TSEN15: variants seen among roughly 807,000 people sequenced by gnomAD.
TSEN15 encodes the protein tRNA-splicing endonuclease subunit Sen15.
In TSEN15, 10 loss-of-function variants were observed where a neutral mutation model predicts 20.5. The ratio of observed to expected loss-of-function variants is 0.49; its 90% confidence interval spans 0.30 to 0.83. The LOEUF (loss-of-function observed/expected upper bound fraction) is 0.83. TSEN15 is among the 40% of genes least tolerant of loss of function. The pLI is 0.06. For synonymous variants in TSEN15, 72 were observed against 80.1 expected (o/e 0.90, Z 0.54); for missense variants, 180 against 218.6 (o/e 0.82, Z 1.11).
chr1:184,077,270 A>G (rs577252610), downstream of TSEN15, among the ~76,000 whole-genome samples: 13 of 152,264 alleles, frequency 8.5e-5, no homozygotes, highest in South Asian at 2.1e-3. Context: ...CTTATACTCT[A>G]TAAGTGGAAC....
intron 1 of TSEN15, 96 bp from the exon 2 acceptor site, chr1:184,054,258 T>C: frequency 1.4e-6 from 1 of 735,370 alleles, no homozygotes; most frequent in East Asian, 2.8e-5. Context: ...TAGAAGAATT[T>C]TATAGATTAT....
intron 3 of TSEN15, among the ~76,000 whole-genome samples, chr1:184,092,215 C>T (rs79307451): frequency 3.9e-4 from 60 of 152,304 alleles, no homozygotes; most frequent in African/African-American, 1.4e-3. Context: ...ACAGTCTAGA[C>T]AGAGTCCAGA....
At chr1:184,058,811 G>T (rs74131421) in intron 3 of TSEN15, among the ~76,000 whole-genome samples, 270 of 152,208 alleles carry the variant, frequency 1.8e-3, no homozygotes, top group African/African-American at 5.9e-3. Context: ...TACTTATTCA[G>T]TGATAAAACA....
chr1:184,086,696 C>A (rs114860361), intron 3 of TSEN15, among the ~76,000 whole-genome samples: 19 of 152,268 alleles, frequency 1.2e-4, no homozygotes, highest in Non-Finnish European at 2.2e-4. Context: ...CATGATACTA[C>A]AGCTGGCTTC....
At chr1:184,087,573 G>A (rs1365449351) in intron 3 of TSEN15, among the ~76,000 whole-genome samples, 6 of 152,200 alleles carry the variant, frequency 3.9e-5, no homozygotes, top group Non-Finnish European at 1.5e-5. Flanking sequence ...AGAACGTGGA[G>A]GGTTGGAGCA....
downstream of TSEN15, among the ~76,000 whole-genome samples, chr1:184,074,468 C>T (rs1651017619): frequency 6.6e-6 from 1 of 152,144 alleles, no homozygotes; most frequent in Non-Finnish European, 1.5e-5. Flanking sequence ...TGAGAGTGCT[C>T]AATGCTTATA....
chr1:184,071,999 C>T, intron 3 of TSEN15, 158 bp from the exon 4 acceptor site: 1 of 606,668 alleles, frequency 1.6e-6, no homozygotes, highest in Non-Finnish European at 2.7e-6. Context: ...GATACTATAC[C>T]AGAAGACTCT....
At chr1:184,083,751 A>G (rs1398066410) in intron 3 of TSEN15, among the ~76,000 whole-genome samples, 1 of 152,190 alleles carries the variant, frequency 6.6e-6, no homozygotes, top group African/African-American at 2.4e-5. Flanking sequence ...AAATGAATAG[A>G]ATTCATCCAC....
At chr1:184,091,780 C>T (rs1651361929) in intron 3 of TSEN15, among the ~76,000 whole-genome samples, 1 of 152,178 alleles carries the variant, frequency 6.6e-6, no homozygotes, top group Admixed American at 6.5e-5. Context: ...AGCTACCTGT[C>T]ACCCAGGAAC....
At chr1:184,082,446 T>C (rs1188619726) in intron 3 of TSEN15, among the ~76,000 whole-genome samples, 2 of 152,114 alleles carry the variant, frequency 1.3e-5, no homozygotes, top group East Asian at 3.9e-4. Context: ...TGAAGAAAGA[T>C]CCTAAGAGTC....
chr1:184,087,597 A>G (rs1195433129), intron 3 of TSEN15, among the ~76,000 whole-genome samples: 1 of 152,230 alleles, frequency 6.6e-6, no homozygotes, highest in Non-Finnish European at 1.5e-5. Flanking sequence ...AAGCCCAGAC[A>G]TAAGCACATA....
At chr1:184,064,542 T>C (rs186964545) in intron 3 of TSEN15, among the ~76,000 whole-genome samples, 1 of 151,284 alleles carries the variant, frequency 6.6e-6, no homozygotes, top group Admixed American at 6.6e-5. Flanking sequence ...AGAAAAAATA[T>C]GAAAAAACAA....
intron 3 of TSEN15, among the ~76,000 whole-genome samples, chr1:184,090,837 T>C (rs1443938739): frequency 6.6e-6 from 1 of 152,190 alleles, no homozygotes; most frequent in East Asian, 1.9e-4. Context: ...ACAAGGGCTG[T>C]GCACTGTGGG....
chr1:184,056,965 T>C (rs1420457913), intron 3 of TSEN15, among the ~76,000 whole-genome samples: 1 of 152,194 alleles, frequency 6.6e-6, no homozygotes, highest in Non-Finnish European at 1.5e-5. Context: ...GCTTCTAAGA[T>C]GGCTTCTCCT....
chr1:184,081,800 T>G (rs2102901297), intron 3 of TSEN15, among the ~76,000 whole-genome samples: 1 of 152,238 alleles, frequency 6.6e-6, no homozygotes, highest in South Asian at 2.1e-4. Context: ...GAGGACTTTT[T>G]CCCACTTCAT....
intron 3 of TSEN15, among the ~76,000 whole-genome samples, chr1:184,056,612 G>A (rs949999696): frequency 2.6e-5 from 4 of 151,764 alleles, no homozygotes; most frequent in South Asian, 2.1e-4. Flanking sequence ...TCTATCTAAC[G>A]GTCTAAAAAA....
chr1:184,051,997 C>G (rs1363542655), intron 1 of TSEN15, 107 bp downstream of exon 1: 2 of 1,167,400 alleles, frequency 1.7e-6, no homozygotes, highest in Admixed American at 3.8e-5. Context: ...TGAGGACGCG[C>G]GCCACCCTCA....
intron 3 of TSEN15, among the ~76,000 whole-genome samples, chr1:184,058,756 C>T (rs145185577): frequency 1.6e-3 from 236 of 152,024 alleles, no homozygotes; most frequent in Admixed American, 2.4e-3. Context: ...GGGCAACTCA[C>T]CATGAAAGAA....
At chr1:184,058,993 A>G (rs1035866985) in intron 3 of TSEN15, among the ~76,000 whole-genome samples, 1 of 151,928 alleles carries the variant, frequency 6.6e-6, no homozygotes, top group Non-Finnish European at 1.5e-5. Context: ...CATCCTCATG[A>G]AAGTAGTATT....
Sources: allele counts gnomAD v4.1 joint callset (sites outside exome capture counted in the v4.1 genomes callset), GRCh38; gene constraint gnomAD v4.1.1; transcripts MANE v1.5; gene names NCBI Gene and HGNC (gene_info 2026-07-23, HGNC 2026-07-21).